CNTNAP2: variants seen among roughly 807,000 people sequenced by gnomAD.
CNTNAP2 encodes contactin-associated protein-like 2.
CNTNAP2 carries 98 observed loss-of-function variants against 155.2 expected under a neutral mutation model. The observed-to-expected ratio is 0.63, with a 90% CI of 0.54 to 0.75. CNTNAP2 has a LOEUF of 0.75. Among genes scored for constraint, CNTNAP2 ranks in the 30% least tolerant of loss-of-function variants. The pLI is 0.00. For missense variants in CNTNAP2, 1,727 were observed against 1,688.1 expected (o/e 1.02, Z -0.40); for synonymous variants, 651 against 631.2 (o/e 1.03, Z -0.47).
At chr7:148,116,942 A>G (rs918385251) in intron 15 of CNTNAP2, among the ~76,000 whole-genome samples, 1 of 152,194 alleles carries the variant, frequency 6.6e-6, no homozygotes, top group Non-Finnish European at 1.5e-5. Flanking sequence ...GGCTTTAGTA[A>G]CTGCTTTAAA....
chr7:148,317,382 CT>C (rs1797709604), intron 21 of CNTNAP2, among the ~76,000 whole-genome samples: 1 of 151,772 alleles, frequency 6.6e-6, no homozygotes, highest in Non-Finnish European at 1.5e-5. Context: ...TGGTATTATT[CT>C]TTTGAGGAAG....
intron 1 of CNTNAP2, among the ~76,000 whole-genome samples, chr7:146,168,554 T>C (rs148745141): frequency 3.3e-4 from 50 of 152,252 alleles, no homozygotes; most frequent in African/African-American, 1.1e-3. Flanking sequence ...AGCCAGTCTG[T>C]TTTTCTCCAG....
chr7:148,399,775 A>G (rs976451460), intron 22 of CNTNAP2, among the ~76,000 whole-genome samples: 10 of 152,210 alleles, frequency 6.6e-5, no homozygotes, highest in Non-Finnish European at 1.5e-4. Context: ...TCTGGCAGGC[A>G]AATCATTAAA....
intron 12 of CNTNAP2, among the ~76,000 whole-genome samples, chr7:147,580,240 C>T (rs1455672417): frequency 2.0e-5 from 3 of 152,098 alleles, no homozygotes; most frequent in Admixed American, 6.5e-5. Context: ...ACAAGCTGTC[C>T]CAAGACATTC....
At position 146,676,958 on chromosome 7, in the gene CNTNAP2, T is replaced by C. The variant is rs186661230; in HGVS notation, c.98-97313T>C. Among the ~76,000 whole-genome samples, 5 of 152,296 alleles carry C rather than the reference T, an allele frequency of 3.3e-5. No homozygotes were observed. In the East Asian group the frequency reaches 9.7e-4, roughly 29 times the overall value. ...ATATTGGCACTTCTACACTAAAAAG[T>C]ATCCAAGACAAGTCTCAATCAATTT... is the stretch of plus-strand genomic sequence containing the variant. On this transcript the variant is annotated intron_variant, in intron 1 of 23. Coordinates refer to ENST00000361727, the MANE Select transcript of CNTNAP2 (RefSeq NM_014141.6).
At position 147,775,942 on chromosome 7, in the gene CNTNAP2, G is replaced by T. The variant is rs530659378; in HGVS notation, c.2099-127623G>T. On this transcript the variant is annotated intron_variant, in intron 13 of 23. Coordinates refer to ENST00000361727, the MANE Select transcript of CNTNAP2 (RefSeq NM_014141.6). The stretch of plus-strand genomic sequence containing the variant: ...TGAAGGGCTGAAATAATGAGGGAAT[G>T]GATTTGTTTTGTATTGTTTCATGTG... 3.9e-5 allele frequency among the ~76,000 whole-genome samples: 6 copies of T among 152,222 alleles called. No individual in the cohort carries two copies. The South Asian group carries it at 1.0e-3, about 26-fold the overall frequency.
chr7:147,203,533 C>CTTAATT (rs770188066), intron 8 of CNTNAP2, among the ~76,000 whole-genome samples: 2 of 152,092 alleles, frequency 1.3e-5, no homozygotes, highest in Admixed American at 1.3e-4. Context: ...CGCCCAGGCT[C>CTTAATT]TTAATTTTAA....
chr7:148,060,143 G>A (rs1013407076), intron 15 of CNTNAP2, among the ~76,000 whole-genome samples: 1 of 152,114 alleles, frequency 6.6e-6, no homozygotes, highest in East Asian at 1.9e-4. Context: ...TAGCTTTGCT[G>A]TTGGGAAAAT....
At chr7:148,319,363 A>C (rs1419176369) in intron 21 of CNTNAP2, among the ~76,000 whole-genome samples, 3 of 152,178 alleles carry the variant, frequency 2.0e-5, no homozygotes, top group Non-Finnish European at 2.9e-5. Flanking sequence ...GGAAATTTTT[A>C]TAATTTTTCA....
chr7:146,714,825 AGTCACTGT>A (rs1487250231), intron 1 of CNTNAP2, among the ~76,000 whole-genome samples: 19 of 152,332 alleles, frequency 1.2e-4, no homozygotes, highest in African/African-American at 4.6e-4. Context: ...GAGATAGTAT[AGTCACTGT>A]GATATATGGT....
At chr7:148,096,144 T>G (rs539397651) in intron 15 of CNTNAP2, among the ~76,000 whole-genome samples, 1 of 152,356 alleles carries the variant, frequency 6.6e-6, no homozygotes, top group South Asian at 2.1e-4. Flanking sequence ...TGGTCAAATG[T>G]AAACTTTGGA....
rs118119275 is a variant in CNTNAP2, at chr7:148,112,108, C to T, written c.2384-6010C>T. ...ATGCCTCCAGGGGACAAAAACGTGA[C>T]TGCAGATGGCCTGATGTGTGCAATG... On this transcript the variant is annotated intron_variant, in intron 15 of 23. Transcript: ENST00000361727. 1.9e-3 allele frequency among the ~76,000 whole-genome samples: 285 copies of T among 152,258 alleles called. 1 individual carries two copies. The highest frequency in any genetic ancestry group is 0.01 in the Middle Eastern group (3 of 294).
chr7:147,781,530 CTT>C (rs1437478365), intron 13 of CNTNAP2, among the ~76,000 whole-genome samples: 1 of 152,148 alleles, frequency 6.6e-6, no homozygotes, highest in African/African-American at 2.4e-5. Context: ...TCTATGCAAT[CTT>C]CAGTTATGGC....
intron 2 of CNTNAP2, among the ~76,000 whole-genome samples, chr7:146,791,292 A>G (rs1410900054): frequency 6.6e-6 from 1 of 152,174 alleles, no homozygotes; most frequent in East Asian, 1.9e-4. Context: ...ATGGCTACAT[A>G]GTATTGCATG....
At chr7:147,665,589 C>T (rs1474727916) in intron 13 of CNTNAP2, among the ~76,000 whole-genome samples, 1 of 152,028 alleles carries the variant, frequency 6.6e-6, no homozygotes, top group Non-Finnish European at 1.5e-5. Context: ...ACCTTAGTAC[C>T]CATTAGTTAT....
chr7:146,129,004 C>T (rs1242380400), intron 1 of CNTNAP2, among the ~76,000 whole-genome samples: 3 of 152,102 alleles, frequency 2.0e-5, no homozygotes, highest in Non-Finnish European at 4.4e-5. Context: ...ATAGTTTATA[C>T]TTATTTGCTC....
chr7:148,113,413 T>C (rs933561432), intron 15 of CNTNAP2, among the ~76,000 whole-genome samples: 1 of 152,162 alleles, frequency 6.6e-6, no homozygotes, highest in Admixed American at 6.5e-5. Context: ...AAACTATTCA[T>C]GAGAAACCGC....
chr7:146,536,141 A>G (rs1302459290), intron 1 of CNTNAP2, among the ~76,000 whole-genome samples: 1 of 152,048 alleles, frequency 6.6e-6, no homozygotes, highest in Non-Finnish European at 1.5e-5. Context: ...TTGCCACCTG[A>G]TGGTAGATTG....
chr7:148,220,232 A>C (rs1209878892), intron 19 of CNTNAP2, among the ~76,000 whole-genome samples: 1 of 152,270 alleles, frequency 6.6e-6, no homozygotes, highest in South Asian at 2.1e-4. Flanking sequence ...CCTCCCGAGT[A>C]GCTGGGACTA....
Sources: gnomAD v4.1 joint callset for allele counts (sites outside exome capture counted in the v4.1 genomes callset) on GRCh38, gnomAD v4.1.1 for gene constraint, MANE v1.5 for transcripts, NCBI Gene and HGNC (gene_info 2026-07-23, HGNC 2026-07-21) for gene names.